The following WNT3A variants were observed in gnomAD, a reference collection of about 807,000 sequenced individuals.
WNT3A encodes protein Wnt-3a.
WNT3A carries 17 observed loss-of-function variants against 37.0 expected under a neutral mutation model. The ratio of observed to expected loss-of-function variants is 0.46; its 90% CI spans 0.31 to 0.69. WNT3A has a LOEUF of 0.69. Ranked by LOEUF, WNT3A falls within the 30% of genes least tolerant of loss-of-function variation. The pLI, the probability that WNT3A is intolerant of heterozygous loss-of-function variation, is 0.05. For synonymous variants in WNT3A, 187 were observed against 211.0 expected (o/e 0.89, Z 0.99); for missense variants, 411 against 510.2 (o/e 0.81, Z 1.87).
chr1:228,027,433 C>T (rs184309329), intron 2 of WNT3A, among the ~76,000 whole-genome samples: 1 of 152,202 alleles, frequency 6.6e-6, no homozygotes, highest in African/African-American at 2.4e-5. Flanking sequence ...TCCATACCAA[C>T]ATCTATTATT....
chr1:228,059,494 G>T lies in WNT3A; in HGVS notation c.*29G>T, dbSNP rs2031751259. 1 of 1,477,130 alleles carries T rather than the reference G, an allele frequency of 6.8e-7. No homozygotes were observed. The highest frequency in any genetic ancestry group is 8.9e-7 in the Non-Finnish European group (1 of 1,121,712). The allele number at this position is 1,477,130 out of a possible 1,614,324, so 91.5% of individuals were successfully genotyped here. A position where few individuals can be genotyped will look rare whatever the true frequency, so the allele number is the denominator to read the frequency against. On this transcript the variant is annotated 3_prime_UTR_variant, in exon 4 of 4. Coordinates refer to ENST00000284523, the MANE Select transcript of WNT3A (RefSeq NM_033131.4). ...CCGGCCGCGGCTCCCCCTGGACGGGGCGGGCCCTGCCTGAGGGTGGGCTTT... is the reference window on the plus strand; with the variant it reads ...CCGGCCGCGGCTCCCCCTGGACGGGTCGGGCCCTGCCTGAGGGTGGGCTTT...
intron 2 of WNT3A, among the ~76,000 whole-genome samples, chr1:228,034,267 A>AC (rs956139529): frequency 1.3e-5 from 2 of 152,146 alleles, no homozygotes; most frequent in African/African-American, 4.8e-5. Flanking sequence ...GTCTCAAAAA[A>AC]ACACACACAC....
chr1:228,033,068 G>A (rs61602482), intron 2 of WNT3A, among the ~76,000 whole-genome samples: 1 of 152,152 alleles, frequency 6.6e-6, no homozygotes, highest in African/African-American at 2.4e-5. Flanking sequence ...TATATAGTCT[G>A]CTTACAAGTC....
In WNT3A at chr1:228,050,953, A is replaced by G; in HGVS notation, c.579+32A>G. On this transcript the variant is annotated intron_variant, in intron 3 of 3. Coordinates refer to ENST00000284523, the MANE Select transcript of WNT3A (RefSeq NM_033131.4). This position sits in a 1 kb window ranked among gnomAD's most constrained non-coding sequence, Gnocchi z 5.0. ...TCGCCGCCCGCAAGGGTGCTTGGGA[A>G]AAAGGAGCCTCCTCAGCAGGGTGTG... 6.6e-7 allele frequency: 1 copy of G among 1,505,698 alleles called. No individual in the cohort carries two copies. The highest frequency in any genetic ancestry group is 8.9e-7 in the Non-Finnish European group (1 of 1,129,812). 93.3% of individuals were successfully genotyped at this position (1,505,698 alleles called of 1,614,324 possible). A position where few individuals can be genotyped will look rare whatever the true frequency, so the allele number is the denominator to read the frequency against.
Position 228,007,221 on chromosome 1 carries a change from C to A in WNT3A, c.71+22C>A. The A allele has an allele frequency of 6.3e-7, 1 of 1,593,254 alleles. No individual in the cohort carries two copies. The highest frequency in any genetic ancestry group is 8.5e-7 in the Non-Finnish European group (1 of 1,170,488). The stretch of plus-strand genomic sequence containing the variant: ...GGTGGTGAGTGAGCCTCCTCGCGTT[C>A]GCCCCTGCCCCTGTGCGCCGCGCCC... On this transcript the variant is annotated intron_variant, in intron 1 of 3. Transcript: ENST00000284523. The surrounding 1 kb of genome is among the most constrained non-coding windows in gnomAD (Gnocchi z 6.0).
chr1:228,013,653 G>A (rs959293807), intron 1 of WNT3A, among the ~76,000 whole-genome samples: 1 of 152,186 alleles, frequency 6.6e-6, no homozygotes, highest in Non-Finnish European at 1.5e-5. Flanking sequence ...GGGGACCCTG[G>A]CCGGCTCACA....
chr1:228,027,982 A>G lies in WNT3A; in HGVS notation c.313+5074A>G, dbSNP rs377315173. ...GAGAGATGAGCATCCAGTTTCATTC[A>G]CCTACATGTGGTTTGCCAGTTTCCC... On this transcript the variant is annotated intron_variant, in intron 2 of 3. Coordinates refer to ENST00000284523, the MANE Select transcript of WNT3A (RefSeq NM_033131.4). Among the ~76,000 whole-genome samples, 39 of 152,268 alleles carry G rather than the reference A, an allele frequency of 2.6e-4. No homozygotes were observed. The East Asian group carries it at 4.2e-3, about 17-fold the overall frequency.
chr1:228,032,007 G>C (rs1047747618), intron 2 of WNT3A, among the ~76,000 whole-genome samples: 1 of 152,158 alleles, frequency 6.6e-6, no homozygotes, highest in South Asian at 2.1e-4. Flanking sequence ...TGCTGCATGG[G>C]GTCAGAGGGG....
chr1:228,011,188 C>G (rs996658434), intron 1 of WNT3A, among the ~76,000 whole-genome samples: 1 of 152,162 alleles, frequency 6.6e-6, no homozygotes, highest in Non-Finnish European at 1.5e-5. Context: ...AATGATGGGT[C>G]AGGCATACGT....
chr1:228,043,322 G>T (rs2031331684), intron 2 of WNT3A, among the ~76,000 whole-genome samples: 2 of 152,152 alleles, frequency 1.3e-5, no homozygotes, highest in African/African-American at 4.8e-5. Flanking sequence ...GCCTTAGGTG[G>T]CTCAAAAAGT....
chr1:228,030,264 T>C (rs1215545700), intron 2 of WNT3A, among the ~76,000 whole-genome samples: 1 of 150,872 alleles, frequency 6.6e-6, no homozygotes, highest in Non-Finnish European at 1.5e-5. Context: ...AGGGGGGTGG[T>C]GGGCATCTGT....
At position 228,050,821 on chromosome 1, in the gene WNT3A, A is replaced by G; in HGVS notation, c.479A>G (p.Glu160Gly). 6.2e-7 allele frequency: 1 copy of G among 1,612,060 alleles called. No homozygotes were observed. The highest frequency in any genetic ancestry group is 8.5e-7 in the Non-Finnish European group (1 of 1,178,958). The change falls in exon 3 of 4, where the codon GAG (glutamate) becomes GGG (glycine). Residue 160 changes from glutamate (E) to glycine (G), a missense_variant. Glu to Gly is a moderately conservative substitution (Grantham distance 98). Coordinates refer to ENST00000284523, the MANE Select transcript of WNT3A (RefSeq NM_033131.4). This position sits in a 1 kb window ranked among gnomAD's most constrained non-coding sequence, Gnocchi z 5.0. ...WKWGGCSEDI[E>G]FGGMVSREFA... is the part of the protein sequence containing the mutation. The stretch of plus-strand genomic sequence containing the variant: ...TGGGGTGGCTGTAGCGAGGACATCG[A>G]GTTTGGTGGGATGGTGTCTCGGGAG...
chr1:228,011,384 C>T (rs1178043618), intron 1 of WNT3A, among the ~76,000 whole-genome samples: 6 of 152,156 alleles, frequency 3.9e-5, no homozygotes, highest in Admixed American at 3.3e-4. Context: ...GGCCCACTCC[C>T]TCTGCAGGCC....
rs2030233022 is a variant in WNT3A at position 228,007,486 on chromosome 1, T to G, written c.71+287T>G. 6.6e-6 allele frequency among the ~76,000 whole-genome samples: 1 copy of G among 151,688 alleles called. No individual in the cohort carries two copies. The highest frequency in any genetic ancestry group is 1.5e-5 in the Non-Finnish European group (1 of 67,906). Reference sequence around the variant, plus strand: ...GCGTCGGACAGGGCGAGCAGTGGGCTGGGGAGAGGCTGAAAGAAGGTCGGC... The same window carrying G: ...GCGTCGGACAGGGCGAGCAGTGGGCGGGGGAGAGGCTGAAAGAAGGTCGGC... On this transcript the variant is annotated intron_variant, in intron 1 of 3. Coordinates refer to ENST00000284523, the MANE Select transcript of WNT3A (RefSeq NM_033131.4). The surrounding 1 kb of genome is among the most constrained non-coding windows in gnomAD (Gnocchi z 6.0).
chr1:228,057,891 AGTGCAGTGGCGCAATCTCCGCTCACTG>A (rs1167921362), intron 3 of WNT3A, among the ~76,000 whole-genome samples: 3 of 152,222 alleles, frequency 2.0e-5, no homozygotes, highest in African/African-American at 7.2e-5. Context: ...GGCTGGATGG[AGTGCAGTGGCGCAATCTCCGCTCACTG>A]CTGCCTCCCC....
intron 1 of WNT3A, among the ~76,000 whole-genome samples, chr1:228,021,372 T>C (rs543440995): frequency 6.6e-6 from 1 of 152,352 alleles, no homozygotes; most frequent in African/African-American, 2.4e-5. Flanking sequence ...TGTTGGGACC[T>C]GGAAAACGAG....
intron 3 of WNT3A, among the ~76,000 whole-genome samples, chr1:228,058,773 C>A (rs2031731439): frequency 1.3e-5 from 2 of 152,242 alleles, no homozygotes; most frequent in African/African-American, 2.4e-5. Flanking sequence ...GCCCCCCAAG[C>A]CCTGACCTGG....
At chr1:228,044,193 C>T (rs935246848) in intron 2 of WNT3A, among the ~76,000 whole-genome samples, 2 of 152,040 alleles carry the variant, frequency 1.3e-5, no homozygotes, top group Admixed American at 6.6e-5. Flanking sequence ...TGCTATGTTG[C>T]CCAGGTTTAA....
Position 228,022,669 on chromosome 1 carries a change from C to T in WNT3A, c.74C>T (p.Ser25Leu), listed in dbSNP as rs745831522. Residue 25 changes from serine to leucine, a missense_variant and splice_region_variant, in exon 2 of 4, where the codon TCG becomes TTG. Physicochemically the swap from Ser to Leu is moderately radical, Grantham distance 145 (BLOSUM62 -2). Transcript: ENST00000284523. ...QALGSYPIWW[S>L]LAVGPQYSSL... ...CCACCGGATCTTGCCCTCTGCAGGT[C>T]GCTGGCTGTTGGGCCACAGTATTCC... 8 of 1,611,250 alleles carry T rather than the reference C, an allele frequency of 5.0e-6. No homozygotes were observed. The highest frequency in any genetic ancestry group is 1.7e-4 in the Middle Eastern group (1 of 6,050).
Sources: gnomAD v4.1 joint callset for allele counts (sites outside exome capture counted in the v4.1 genomes callset) on GRCh38, gnomAD v4.1.1 for gene constraint, Gnocchi (gnomAD v3.1) non-coding constraint, MANE v1.5 for transcripts, NCBI Gene and HGNC (gene_info 2026-07-23, HGNC 2026-07-21) for gene names.